The following IKBKB variants were observed in gnomAD, a reference collection of about 807,000 sequenced individuals.
IKBKB encodes inhibitor of nuclear factor kappa-B kinase subunit beta.
A neutral mutation model predicts 113.6 loss-of-function variants in IKBKB; 42 were observed. That is an observed-to-expected ratio of 0.37 (90% CI 0.29 to 0.48). IKBKB has a LOEUF of 0.48. IKBKB is among the 20% of genes least tolerant of loss of function. The pLI, the probability that IKBKB is intolerant of heterozygous loss-of-function variation, is 0.99. For synonymous variants in IKBKB, 296 were observed against 361.3 expected (o/e 0.82, Z 2.05); for missense variants, 673 against 939.7 (o/e 0.72, Z 3.71).
intron 2 of IKBKB, among the ~76,000 whole-genome samples, chr8:42,284,475 G>C (rs1019338864): frequency 6.6e-6 from 1 of 151,974 alleles, no homozygotes; most frequent in African/African-American, 2.4e-5. Flanking sequence ...CCAGCTACTA[G>C]GGAGGCTGAG....
chr8:42,326,744 C>G (rs1820814647), intron 20 of IKBKB, among the ~76,000 whole-genome samples: 1 of 152,204 alleles, frequency 6.6e-6, no homozygotes, highest in African/African-American at 2.4e-5. Context: ...ATTCTCAGGT[C>G]CTGCTGGAGA....
intron 5 of IKBKB, among the ~76,000 whole-genome samples, chr8:42,294,863 G>C (rs964226285): frequency 4.6e-5 from 7 of 152,118 alleles, no homozygotes; most frequent in African/African-American, 1.7e-4. Context: ...TCCATGTTTT[G>C]CTTGGAGGCT....
In IKBKB at chr8:42,322,060, G is replaced by A. The variant is rs755267543; in HGVS notation, c.1745G>A (p.Arg582Gln). Residue 582 changes from arginine (R) to glutamine (Q), a missense_variant, in exon 18 of 22, where the codon CGA becomes CAA. By Grantham distance (43) the Arg-to-Gln change is conservative. This residue lies in a region of IKBKB where 506 missense variants were observed against 638.7 expected (regional missense o/e 0.79). Transcript: ENST00000520810. Reference sequence around the variant, plus strand: ...CTACCCTCCCTCTCTCCAGACCAGCGAACTGAGGGTGACAGTCAGGAAATG... The same window carrying A: ...CTACCCTCCCTCTCTCCAGACCAGCAAACTGAGGGTGACAGTCAGGAAATG... ...RRLREKPRDQ[R>Q]TEGDSQEMVR... 2.5e-6 allele frequency: 4 copies of A among 1,613,726 alleles called. No individual in the cohort carries two copies. Among genetic ancestry groups the A allele is most frequent in the South Asian group, 1.1e-5 (1 of 91,052 alleles).
intron 6 of IKBKB, 73 bp from the exon 7 acceptor site, chr8:42,306,270 C>T (rs748183562): frequency 9.6e-6 from 9 of 940,550 alleles, no homozygotes; most frequent in Non-Finnish European, 1.6e-5. Flanking sequence ...GCTCTAACAC[C>T]AGGCAGTCAG....
chr8:42,294,017 T>C (rs1053996317), intron 5 of IKBKB, among the ~76,000 whole-genome samples: 1 of 151,946 alleles, frequency 6.6e-6, no homozygotes, highest in Non-Finnish European at 1.5e-5. Flanking sequence ...TGGAGAAGAG[T>C]GACCTCAGCC....
At position 42,322,446 on chromosome 8, in the gene IKBKB, G is replaced by A. The variant is rs1819950081; in HGVS notation, c.1938G>A (p.Leu646=). 1.2e-6 allele frequency: 2 copies of A among 1,614,072 alleles called. No homozygotes were observed. The highest frequency in any genetic ancestry group is 1.7e-6 in the Non-Finnish European group (2 of 1,180,032). The change falls in exon 19 of 22, where the codon CTG becomes CTA. Residue 646 remains leucine (L), a synonymous_variant. Transcript: ENST00000520810. ...AGGATGAGAAGACTGTTGTCCGGCT[G>A]CAGGAGAAGCGGCAGAAGGAGCTCT... ...MNEDEKTVVR[L]QEKRQKELWN...
intron 2 of IKBKB, 22 bp from the exon 3 acceptor site, chr8:42,288,612 C>A: frequency 1.3e-6 from 2 of 1,590,396 alleles, no homozygotes; most frequent in South Asian, 1.1e-5. Context: ...CTCTGCTGGT[C>A]CCCACTGTGC....
intron 8 of IKBKB, among the ~76,000 whole-genome samples, chr8:42,312,930 A>G (rs1292748354): frequency 6.6e-6 from 1 of 152,228 alleles, no homozygotes; most frequent in Non-Finnish European, 1.5e-5. Context: ...AACACCAGAC[A>G]TTGGGTTTGA....
In IKBKB at chr8:42,293,026, A is replaced by G. The variant is rs371846237; in HGVS notation, c.319-417A>G. On this transcript the variant is annotated intron_variant, in intron 4 of 21. Transcript: ENST00000520810. Reference sequence around the variant, plus strand: ...GTTCTCTACTGTTACCATCACCCACATGGCTAGGAGATGGCAGGGCGGTGG... The same window carrying G: ...GTTCTCTACTGTTACCATCACCCACGTGGCTAGGAGATGGCAGGGCGGTGG... Among the ~76,000 whole-genome samples the G allele has an allele frequency of 2.6e-5, 4 of 152,266 alleles. No individual in the cohort carries two copies. The East Asian group carries it at 5.8e-4, about 22-fold the overall frequency.
At chr8:42,307,176 G>T (rs949856940) in intron 7 of IKBKB, among the ~76,000 whole-genome samples, 1 of 152,158 alleles carries the variant, frequency 6.6e-6, no homozygotes, top group African/African-American at 2.4e-5. Flanking sequence ...GGACTTGAAG[G>T]GTAAGGAGGT....
At chr8:42,290,305 C>T in intron 4 of IKBKB, 32 bp downstream of exon 4, 2 of 1,473,332 alleles carry the variant, frequency 1.4e-6, no homozygotes, top group Non-Finnish European at 1.9e-6. Flanking sequence ...GGTGCACAGC[C>T]TGTCTGGGCA....
chr8:42,317,719 C>T lies in IKBKB; in HGVS notation c.1188C>T (p.Thr396=). 1 of 1,614,052 alleles carries T rather than the reference C, an allele frequency of 6.2e-7. No homozygotes were observed. Among genetic ancestry groups the T allele is most frequent in the Non-Finnish European group, 8.5e-7 (1 of 1,179,910 alleles). ...LVFLFDNSKI[T]YETQISPRPQ... ...TTCTCTTTGACAACAGTAAAATCACCTATGAGACTCAGATCTCCCCACGGC... is the reference window on the plus strand; with the variant it reads ...TTCTCTTTGACAACAGTAAAATCACTTATGAGACTCAGATCTCCCCACGGC... The change falls in exon 12 of 22, where the codon ACC becomes ACT. Residue 396 remains threonine, a synonymous_variant. Coordinates refer to ENST00000520810, the MANE Select transcript of IKBKB (RefSeq NM_001556.3).
At chr8:42,305,124 A>C in intron 5 of IKBKB, 63 bp from the exon 6 acceptor site, 1 of 1,035,954 alleles carries the variant, frequency 9.7e-7, no homozygotes, top group Non-Finnish European at 1.5e-6. Context: ...TTTGCAGGAT[A>C]GGAGATTCTG....
rs761085543 is a variant in IKBKB at position 42,325,963 on chromosome 8, C to T, written c.1987-7C>T. ...GGCTCCTAATTTCTTTTGATTTTGT[C>T]CCCTAGAGCAAGGTCCGTGGTCCTG... On this transcript the variant is annotated splice_polypyrimidine_tract_variant and splice_region_variant and intron_variant, in intron 19 of 21. Transcript: ENST00000520810. 5 of 1,613,670 alleles carry T rather than the reference C, an allele frequency of 3.1e-6. No homozygotes were observed. Among genetic ancestry groups the T allele is most frequent in the Admixed American group, 3.3e-5 (2 of 59,894 alleles).
chr8:42,275,352 T>C (rs1180413696), intron 2 of IKBKB, among the ~76,000 whole-genome samples: 1 of 151,988 alleles, frequency 6.6e-6, no homozygotes, highest in African/African-American at 2.4e-5. Context: ...CATGCCCGGC[T>C]AATTTTTGAT....
intron 13 of IKBKB, among the ~76,000 whole-genome samples, chr8:42,319,017 T>C (rs772973645): frequency 3.3e-5 from 5 of 152,166 alleles, no homozygotes; most frequent in Non-Finnish European, 7.4e-5. Flanking sequence ...CTTTCCTCAT[T>C]GTGACTCGTT....
chr8:42,293,591 A>G (rs1329573836), intron 5 of IKBKB, 79 bp downstream of exon 5: 1 of 1,611,414 alleles, frequency 6.2e-7, no homozygotes, highest in South Asian at 1.1e-5. Flanking sequence ...GGAGCCCTGC[A>G]GGCAGACACT....
At chr8:42,319,159 A>G (rs191338977) in intron 13 of IKBKB, 111 bp from the exon 14 acceptor site, 5 of 951,414 alleles carry the variant, frequency 5.3e-6, no homozygotes, top group Admixed American at 2.2e-5. Context: ...TGATGATGAT[A>G]ATAATTATAG....
At position 42,309,124 on chromosome 8, in the gene IKBKB, G is replaced by A. The variant is rs1043328021; in HGVS notation, c.692+99G>A. ...TGGCGCCCCATCACCGGGCCTGGGA[G>A]ATCTGTGTTGTTTCTCTTCCGAGAG... On this transcript the variant is annotated intron_variant, in intron 8 of 21. Coordinates refer to ENST00000520810, the MANE Select transcript of IKBKB (RefSeq NM_001556.3). 1.1e-5 allele frequency: 14 copies of A among 1,323,412 alleles called. No individual in the cohort carries two copies. In the East Asian group the frequency reaches 3.0e-4, roughly 28 times the overall value. 82.0% of individuals were successfully genotyped at this position (1,323,412 alleles called of 1,614,324 possible).
Sources: allele counts gnomAD v4.1 joint callset (sites outside exome capture counted in the v4.1 genomes callset), GRCh38; gene constraint gnomAD v4.1.1; regional missense constraint gnomAD v4.1.1; transcripts MANE v1.5; gene names NCBI Gene and HGNC (gene_info 2026-07-23, HGNC 2026-07-21).